SEMA5A: variants seen among roughly 807,000 people sequenced by gnomAD.
SEMA5A encodes semaphorin-5A.
SEMA5A carries 55 observed loss-of-function variants against 135.5 expected under a neutral mutation model. The observed-to-expected ratio is 0.41, with a 90% CI of 0.33 to 0.51. The LOEUF (loss-of-function observed/expected upper bound fraction) is 0.51. SEMA5A is among the 20% of genes least tolerant of loss of function. The probability of loss-of-function intolerance (pLI) is 0.37; values close to 1 mark genes in which losing one functional copy is unlikely to be tolerated. For missense variants in SEMA5A, 1,290 were observed against 1,419.9 expected, an observed-to-expected ratio of 0.91 and a Z score of 1.47; for synonymous variants, 580 against 546.5, an observed-to-expected ratio of 1.06 and a Z score of -0.85.
rs1271600843 is a variant in SEMA5A at position 9,388,886 on chromosome 5, G to A, written c.-77-8863C>T. The stretch of plus-strand genomic sequence containing the variant: ...TGCACTCCAGCCTGGGTGACACAGC[G>A]AGACTCCGTCTCAAAAAAAAAAAGA... On this transcript the variant is annotated intron_variant, in intron 2 of 22. Transcript: ENST00000382496. Among the ~76,000 whole-genome samples the A allele has an allele frequency of 3.4e-5, 5 of 146,996 alleles. No individual in the cohort carries two copies. In the East Asian group the frequency reaches 5.9e-4, roughly 17 times the overall value.
chr5:9,132,664 A>G (rs1482601580), intron 13 of SEMA5A, among the ~76,000 whole-genome samples: 1 of 149,124 alleles, frequency 6.7e-6, no homozygotes, highest in Non-Finnish European at 1.5e-5. Context: ...TAGAACACTA[A>G]CTTTGGGAAA....
intron 3 of SEMA5A, among the ~76,000 whole-genome samples, chr5:9,368,538 C>T (rs1276258366): frequency 1.3e-5 from 2 of 152,202 alleles, no homozygotes; most frequent in African/African-American, 4.8e-5. Context: ...AAAAATCTCT[C>T]GTACACCTTG....
At chr5:9,541,344 A>G (rs2126391102) in intron 1 of SEMA5A, among the ~76,000 whole-genome samples, 1 of 152,310 alleles carries the variant, frequency 6.6e-6, no homozygotes, top group East Asian at 1.9e-4. Flanking sequence ...TCCAGTGTAT[A>G]CTTCCTCATT....
In SEMA5A at chr5:9,204,637, C is replaced by G. The variant is rs1745909602; in HGVS notation, c.647-2397G>C. 6.6e-6 allele frequency among the ~76,000 whole-genome samples: 1 copy of G among 152,134 alleles called. No individual in the cohort carries two copies. ...CATTTCACAGATGAGGACACTAAAGCCCAGAGATTTAATAACTTGTCCAAA... is the reference window on the plus strand; with the variant it reads ...CATTTCACAGATGAGGACACTAAAGGCCAGAGATTTAATAACTTGTCCAAA... On this transcript the variant is annotated intron_variant, in intron 8 of 22. Coordinates refer to ENST00000382496, the MANE Select transcript of SEMA5A (RefSeq NM_003966.3). This position sits in a 1 kb window ranked among gnomAD's most constrained non-coding sequence, Gnocchi z 6.4.
At chr5:9,386,173 G>A (rs1755879572) in intron 2 of SEMA5A, among the ~76,000 whole-genome samples, 2 of 152,100 alleles carry the variant, frequency 1.3e-5, no homozygotes, top group Admixed American at 1.3e-4. Flanking sequence ...GGGATCAGAT[G>A]AACTGCTCAC....
At chr5:9,134,394 T>C (rs1741615146) in intron 13 of SEMA5A, among the ~76,000 whole-genome samples, 1 of 152,212 alleles carries the variant, frequency 6.6e-6, no homozygotes, top group Non-Finnish European at 1.5e-5. Flanking sequence ...GCAATCCTCC[T>C]GTCTCAGCCT....
intron 16 of SEMA5A, among the ~76,000 whole-genome samples, chr5:9,074,910 A>C (rs974667169): frequency 7.2e-5 from 11 of 152,174 alleles, no homozygotes; most frequent in Non-Finnish European, 1.5e-4. Flanking sequence ...CACCTGGTGC[A>C]TGTATTTGGA....
chr5:9,331,155 G>GT (rs1256058583), intron 4 of SEMA5A, among the ~76,000 whole-genome samples: 1 of 152,182 alleles, frequency 6.6e-6, no homozygotes, highest in Non-Finnish European at 1.5e-5. Context: ...AACATCTTCA[G>GT]TTTTCCTGTT....
Position 9,197,174 on chromosome 5 carries a change from G to T in SEMA5A, c.1062C>A (p.His354Gln). 1 of 1,614,228 alleles carries T rather than the reference G, an allele frequency of 6.2e-7. No individual in the cohort carries two copies. The highest frequency in any genetic ancestry group is 2.2e-5 in the East Asian group (1 of 44,872). ...AWLPYPNPNP[H>Q]FQCGTVDQGL... ...TTTGCCCCCCGAAAATTACCTGGAA[G>T]TGGGGGTTTGGGTTGGGATACGGTA... The change falls in exon 10 of 23, where the codon CAC (histidine) becomes CAA (glutamine). Residue 354 changes from histidine to glutamine, a missense_variant. Physicochemically the swap from His to Gln is conservative, Grantham distance 24. Around this residue, in one of 3 missense-constraint regions of SEMA5A, gnomAD observed 1,029 missense variants for 1,086.6 expected, o/e 0.95. Coordinates refer to ENST00000382496, the MANE Select transcript of SEMA5A (RefSeq NM_003966.3).
chr5:9,509,259 AATTATTATTATT>A (rs112585205), intron 1 of SEMA5A, among the ~76,000 whole-genome samples: 53 of 149,916 alleles, frequency 3.5e-4, no homozygotes, highest in Non-Finnish European at 6.8e-4. Flanking sequence ...TCCAACATAA[AATTATTATTATT>A]ATTATTATTA....
chr5:9,157,536 T>C (rs1743022401), intron 11 of SEMA5A, among the ~76,000 whole-genome samples: 1 of 151,962 alleles, frequency 6.6e-6, no homozygotes, highest in Non-Finnish European at 1.5e-5. Flanking sequence ...CTAGTTCTCG[T>C]CCACCCGCCC....
At chr5:9,284,160 AT>A (rs1750681756) in intron 5 of SEMA5A, among the ~76,000 whole-genome samples, 1 of 151,898 alleles carries the variant, frequency 6.6e-6, no homozygotes, top group African/African-American at 2.4e-5. Flanking sequence ...TCTGTGCCAA[AT>A]TTTTTTCTTG....
At chr5:9,157,517 A>G (rs1309618439) in intron 11 of SEMA5A, among the ~76,000 whole-genome samples, 1 of 152,090 alleles carries the variant, frequency 6.6e-6, no homozygotes, top group South Asian at 2.1e-4. Context: ...CCTGTCACCC[A>G]CAGCTCACCT....
chr5:9,372,291 C>T (rs920365696), intron 3 of SEMA5A, among the ~76,000 whole-genome samples: 12 of 152,234 alleles, frequency 7.9e-5, no homozygotes, highest in African/African-American at 2.9e-4. Flanking sequence ...AGACACCAGA[C>T]AGCCAAATCC....
chr5:9,201,640 A>T (rs1396526497), intron 9 of SEMA5A, among the ~76,000 whole-genome samples: 1 of 152,234 alleles, frequency 6.6e-6, no homozygotes, highest in Non-Finnish European at 1.5e-5. Flanking sequence ...ATGTATCAGT[A>T]TTTCAAAAAG....
chr5:9,345,291 T>C (rs1191662298), intron 3 of SEMA5A, among the ~76,000 whole-genome samples: 7 of 152,074 alleles, frequency 4.6e-5, no homozygotes, highest in Non-Finnish European at 8.8e-5. Flanking sequence ...CCTTCAACAA[T>C]CTAACTTGGA....
At chr5:9,177,205 T>A (rs975590154) in intron 11 of SEMA5A, among the ~76,000 whole-genome samples, 1 of 152,322 alleles carries the variant, frequency 6.6e-6, no homozygotes, top group Non-Finnish European at 1.5e-5. Context: ...GATGCATAGT[T>A]ACTTAGAAAC....
At chr5:9,205,154 C>T (rs1158573385) in intron 8 of SEMA5A, among the ~76,000 whole-genome samples, 1 of 152,118 alleles carries the variant, frequency 6.6e-6, no homozygotes, top group Non-Finnish European at 1.5e-5. Context: ...TGATTTTCTG[C>T]TTTAGAAAAA....
chr5:9,152,790 G>T (rs922485759), intron 12 of SEMA5A, among the ~76,000 whole-genome samples: 3 of 152,196 alleles, frequency 2.0e-5, no homozygotes, highest in African/African-American at 7.2e-5. Flanking sequence ...GCAACAACAG[G>T]GCTGGGCGCA....
Sources: allele counts gnomAD v4.1 joint callset (sites outside exome capture counted in the v4.1 genomes callset), GRCh38; gene constraint gnomAD v4.1.1; regional missense constraint gnomAD v4.1.1; non-coding constraint Gnocchi (gnomAD v3.1); transcripts MANE v1.5; gene names NCBI Gene and HGNC (gene_info 2026-07-23, HGNC 2026-07-21).